The following LRP1B variants were observed in gnomAD, a reference collection of about 807,000 sequenced individuals.
The protein encoded by LRP1B is low-density lipoprotein receptor-related protein 1B.
LRP1B carries 217 observed loss-of-function variants against 556.6 expected under a neutral mutation model. The ratio of observed to expected loss-of-function variants is 0.39; its 90% confidence interval spans 0.35 to 0.44. The LOEUF (loss-of-function observed/expected upper bound fraction) is 0.44. Among genes scored for constraint, LRP1B ranks in the 20% least tolerant of loss-of-function variants. The probability of loss-of-function intolerance (pLI) is 1.00; values close to 1 mark genes in which losing one functional copy is unlikely to be tolerated. For missense variants in LRP1B, 5,053 were observed against 5,620.8 expected (o/e 0.90, Z 3.23); for synonymous variants, 2,047 against 1,865.8 (o/e 1.10, Z -2.50).
At chr2:140,688,831 C>T (rs1041838424) in intron 41 of LRP1B, among the ~76,000 whole-genome samples, 3 of 152,154 alleles carry the variant, frequency 2.0e-5, no homozygotes, top group Admixed American at 6.5e-5. Flanking sequence ...ATATAGTCTG[C>T]CAACTGCCAG....
At chr2:141,205,251 C>T (rs1189692607) in intron 6 of LRP1B, among the ~76,000 whole-genome samples, 13 of 152,114 alleles carry the variant, frequency 8.5e-5, no homozygotes, top group Admixed American at 8.5e-4. Flanking sequence ...TTAAGTGCTA[C>T]ATTCAATATG....
chr2:141,747,824 T>C (rs1693968347), intron 2 of LRP1B, among the ~76,000 whole-genome samples: 1 of 152,192 alleles, frequency 6.6e-6, no homozygotes, highest in Non-Finnish European at 1.5e-5. Flanking sequence ...ATCACATGTA[T>C]GGTATTTGTT....
At chr2:142,053,917 T>C (rs1704562905) in intron 1 of LRP1B, among the ~76,000 whole-genome samples, 2 of 152,082 alleles carry the variant, frequency 1.3e-5, no homozygotes, top group Non-Finnish European at 2.9e-5. Flanking sequence ...GTATACATAA[T>C]TGGGAGCTCT....
rs1045159292 is a variant in LRP1B, at chr2:140,898,440, C to T, written c.3766+4480G>A. On this transcript the variant is annotated intron_variant, in intron 23 of 90. Coordinates refer to ENST00000389484, the MANE Select transcript of LRP1B (RefSeq NM_018557.3). ...GCACTAAAATAGGAAATGGTGCCCT[C>T]GGTACTCAAGTGGAATGGGCACACT... 1.0e-4 allele frequency: 19 copies of T among 185,380 alleles called. No individual in the cohort carries two copies. The East Asian group carries it at 2.5e-3, about 25-fold the overall frequency. 11.5% of individuals were successfully genotyped at this position (185,380 alleles called of 1,614,324 possible). A position where few individuals can be genotyped will look rare whatever the true frequency, so the allele number is the denominator to read the frequency against.
intron 1 of LRP1B, among the ~76,000 whole-genome samples, chr2:142,063,932 A>G (rs1170484771): frequency 6.6e-6 from 1 of 151,602 alleles, no homozygotes; most frequent in Non-Finnish European, 1.5e-5. Context: ...ATAAATGACT[A>G]TGGACCTTAG....
chr2:141,094,338 A>G (rs1184805841), intron 7 of LRP1B, among the ~76,000 whole-genome samples: 1 of 152,108 alleles, frequency 6.6e-6, no homozygotes, highest in East Asian at 1.9e-4. Flanking sequence ...TCTTACCCAA[A>G]CCTTATAACT....
At chr2:141,676,288 CA>C (rs1481731632) in intron 2 of LRP1B, among the ~76,000 whole-genome samples, 8 of 152,032 alleles carry the variant, frequency 5.3e-5, no homozygotes, top group African/African-American at 1.9e-4. Flanking sequence ...AGTCAAAAAT[CA>C]ATACATGTTT....
chr2:141,971,713 A>C, intron 1 of LRP1B, among the ~76,000 whole-genome samples: 1 of 151,468 alleles, frequency 6.6e-6, no homozygotes, highest in Non-Finnish European at 1.5e-5. Context: ...AAATGGTATA[A>C]CACACAGCCA....
intron 7 of LRP1B, among the ~76,000 whole-genome samples, chr2:141,172,332 C>T (rs547986909): frequency 1.2e-4 from 19 of 152,098 alleles, no homozygotes; most frequent in African/African-American, 4.6e-4. Context: ...ATCCTTATGA[C>T]AAAGACATAA....
At chr2:141,558,973 T>G (rs747765965) in intron 2 of LRP1B, among the ~76,000 whole-genome samples, 4 of 151,624 alleles carry the variant, frequency 2.6e-5, no homozygotes, top group Non-Finnish European at 5.9e-5. Flanking sequence ...TTGTCAATAG[T>G]CTTGCTCCTA....
intron 2 of LRP1B, among the ~76,000 whole-genome samples, chr2:141,726,809 T>C (rs1431700490): frequency 1.3e-5 from 2 of 152,112 alleles, no homozygotes; most frequent in African/African-American, 2.4e-5. Context: ...TAAAGTTTGT[T>C]CATAGAATTG....
At chr2:140,542,608 A>AT (rs1172677054) in intron 43 of LRP1B, among the ~76,000 whole-genome samples, 1 of 152,160 alleles carries the variant, frequency 6.6e-6, no homozygotes, top group African/African-American at 2.4e-5. Context: ...AAAGGCAGTG[A>AT]TTCCTGGGTA....
chr2:141,735,669 T>C (rs1693437641), intron 2 of LRP1B, among the ~76,000 whole-genome samples: 1 of 152,076 alleles, frequency 6.6e-6, no homozygotes, highest in South Asian at 2.1e-4. Context: ...AGGTATTCAG[T>C]GAGGTAGAAC....
chr2:140,634,504 G>T (rs1454378653), intron 41 of LRP1B, among the ~76,000 whole-genome samples: 1 of 152,124 alleles, frequency 6.6e-6, no homozygotes, highest in Admixed American at 6.5e-5. Flanking sequence ...TGTGGACTGT[G>T]AATAATGACT....
chr2:141,756,544 T>TACACACAC lies in LRP1B; in HGVS notation c.205+53727_205+53734dup, dbSNP rs35271250. On this transcript the variant is annotated intron_variant, in intron 2 of 90. Transcript: ENST00000389484. Reference sequence around the variant, plus strand: ...TAAATCATGATTAAATCTCTCAAATTACACACACACACACACACACACACA... The same window carrying TACACACAC: ...TAAATCATGATTAAATCTCTCAAATTACACACACACACACACACACACACACACACACA... Among the ~76,000 whole-genome samples the TACACACAC allele has an allele frequency of 4.6e-3, 656 of 143,448 alleles. 3 individuals carry two copies. The highest frequency in any genetic ancestry group is 5.9e-3 in the Non-Finnish European group (396 of 66,610). 94.1% of individuals were successfully genotyped at this position (143,448 alleles called of 152,430 possible). A position where few individuals can be genotyped will look rare whatever the true frequency, so the allele number is the denominator to read the frequency against.
chr2:141,250,971 G>T (rs1385452279), intron 4 of LRP1B, among the ~76,000 whole-genome samples: 1 of 152,112 alleles, frequency 6.6e-6, no homozygotes, highest in Non-Finnish European at 1.5e-5. Flanking sequence ...TTTGTGTGTT[G>T]TGATATAAAA....
Position 140,371,260 on chromosome 2 carries a change from T to G in LRP1B, c.10794A>C (p.Glu3598Asp). 6.3e-7 allele frequency: 1 copy of G among 1,588,542 alleles called. No homozygotes were observed. The highest frequency in any genetic ancestry group is 8.6e-7 in the Non-Finnish European group (1 of 1,167,166). Residue 3598 changes from glutamate to aspartate, a missense_variant, in exon 70 of 91, where the codon GAA becomes GAC. This residue lies in a region of LRP1B where 599 missense variants were observed against 648.4 expected (regional missense o/e 0.92). Coordinates refer to ENST00000389484, the MANE Select transcript of LRP1B (RefSeq NM_018557.3). The stretch of plus-strand genomic sequence containing the variant: ...TACATCCATCACTGGCACATATATA[T>G]TCACGTGATGAGCAAGTAGGAGAAG... ...EPASPTCSSR[E>D]YICASDGCIS...
chr2:141,317,649 A>G (rs1687084244), intron 3 of LRP1B, among the ~76,000 whole-genome samples: 2 of 152,140 alleles, frequency 1.3e-5, no homozygotes, highest in African/African-American at 4.8e-5. Flanking sequence ...GATATATTGG[A>G]AAGAGGATTT....
intron 7 of LRP1B, among the ~76,000 whole-genome samples, chr2:141,125,614 C>G (rs1701182505): frequency 6.6e-6 from 1 of 152,232 alleles, no homozygotes; most frequent in African/African-American, 2.4e-5. Flanking sequence ...CACACACTAT[C>G]TTTGCTGATA....
Sources: allele counts gnomAD v4.1 joint callset (sites outside exome capture counted in the v4.1 genomes callset), GRCh38; gene constraint gnomAD v4.1.1; regional missense constraint gnomAD v4.1.1; transcripts MANE v1.5; gene names NCBI Gene and HGNC (gene_info 2026-07-23, HGNC 2026-07-21).